ZFYVE9: variants seen among roughly 807,000 people sequenced by gnomAD.
The protein encoded by ZFYVE9 is zinc finger FYVE-type containing 9.
A neutral mutation model predicts 126.7 loss-of-function variants in ZFYVE9; 43 were observed. The observed-to-expected ratio is 0.34, with a 90% CI of 0.27 to 0.44. The LOEUF is 0.44. ZFYVE9 is among the 20% of genes least tolerant of loss of function. The probability of loss-of-function intolerance (pLI) is 1.00; values close to 1 mark genes in which losing one functional copy is unlikely to be tolerated. For synonymous variants in ZFYVE9, 521 were observed against 597.4 expected, an observed-to-expected ratio of 0.87 and a Z score of 1.87; for missense variants, 1,476 against 1,697.0, an observed-to-expected ratio of 0.87 and a Z score of 2.29.
At chr1:52,254,494 A>G (rs963541054) in intron 4 of ZFYVE9, among the ~76,000 whole-genome samples, 3 of 152,056 alleles carry the variant, frequency 2.0e-5, no homozygotes, top group African/African-American at 7.2e-5. Context: ...GTTCAAGAGC[A>G]GTGTGGGCAA....
chr1:52,214,960 C>CACTG (rs1248513494), intron 1 of ZFYVE9, among the ~76,000 whole-genome samples: 4 of 152,178 alleles, frequency 2.6e-5, no homozygotes, highest in Non-Finnish European at 5.9e-5. Flanking sequence ...TTATTCAGTA[C>CACTG]ACTGATTCAA....
At chr1:52,295,731 T>C (rs1645967494) in intron 11 of ZFYVE9, among the ~76,000 whole-genome samples, 164 bp from the exon 12 acceptor site, 1 of 152,206 alleles carries the variant, frequency 6.6e-6, no homozygotes, top group Non-Finnish European at 1.5e-5. Context: ...TTAATATGGC[T>C]CAGCATTTGT....
chr1:52,295,870 G>A lies in ZFYVE9; in HGVS notation c.3251-25G>A, dbSNP rs74729879. 1,365 of 1,594,226 alleles carry A rather than the reference G, an allele frequency of 8.6e-4. 12 individuals carry two copies. In the African/African-American group the frequency reaches 0.017, roughly 20 times the overall value. ...CAAAGTTTTATGTTGCCAAATTTAA[G>A]TTTGATCATTTCTCATTTCCATAGT... On this transcript the variant is annotated intron_variant, in intron 11 of 18. Transcript: ENST00000287727.
intron 3 of ZFYVE9, among the ~76,000 whole-genome samples, chr1:52,233,912 C>T (rs1310979390): frequency 2.0e-5 from 3 of 152,122 alleles, no homozygotes; most frequent in Non-Finnish European, 4.4e-5. Context: ...TCCAGAGTAG[C>T]TGGGATTCCA....
intron 11 of ZFYVE9, among the ~76,000 whole-genome samples, chr1:52,295,632 G>A (rs1645966246): frequency 1.3e-5 from 2 of 152,012 alleles, no homozygotes; most frequent in African/African-American, 4.8e-5. Flanking sequence ...CAAAGTGCTG[G>A]GATTACAAGC....
chr1:52,152,505 T>C (rs1418071389), intron 1 of ZFYVE9, among the ~76,000 whole-genome samples: 2 of 152,244 alleles, frequency 1.3e-5, no homozygotes, highest in Non-Finnish European at 2.9e-5. Context: ...TATTTCTTTT[T>C]ATATTCAGCC....
In ZFYVE9 at chr1:52,344,942, C is replaced by T; in HGVS notation, c.4114C>T (p.Gln1372Ter). Residue 1372 changes from glutamine to a stop codon, truncating the protein, a stop_gained and splice_region_variant, in exon 18 of 19, where the codon CAG becomes TAG. Coordinates refer to ENST00000287727, the MANE Select transcript of ZFYVE9 (RefSeq NM_004799.4). LOFTEE classifies it high-confidence loss of function. ...ACTACGTGTGACACTTGACTCAGATCAGGTATGATGTGTCTTCCGCAGCTT... is the reference window on the plus strand; with the variant it reads ...ACTACGTGTGACACTTGACTCAGATTAGGTATGATGTGTCTTCCGCAGCTT... ...LGLRVTLDSD[Q>*]VGYQAGSNGQ... The T allele has an allele frequency of 6.2e-7, 1 of 1,614,166 alleles. No individual in the cohort carries two copies. The highest frequency in any genetic ancestry group is 8.5e-7 in the Non-Finnish European group (1 of 1,180,044).
At chr1:52,146,027 C>CACACACACACACACACA (rs150268323) in intron 1 of ZFYVE9, among the ~76,000 whole-genome samples, 36 of 146,180 alleles carry the variant, frequency 2.5e-4, no homozygotes, top group African/African-American at 8.9e-4. Flanking sequence ...TCAAAAATAT[C>CACACACACACACACACA]CACACACACA....
chr1:52,190,923 A>G (rs1265398534), intron 1 of ZFYVE9, among the ~76,000 whole-genome samples: 1 of 152,062 alleles, frequency 6.6e-6, no homozygotes, highest in Non-Finnish European at 1.5e-5. Context: ...TATCTATTAT[A>G]TTTTATGGAT....
intron 12 of ZFYVE9, among the ~76,000 whole-genome samples, chr1:52,303,020 G>A (rs934819054): frequency 1.3e-5 from 2 of 152,088 alleles, no homozygotes; most frequent in African/African-American, 4.8e-5. Context: ...TGAGGCATGA[G>A]ACTCGCTTGA....
At chr1:52,155,392 G>A (rs990075723) in intron 1 of ZFYVE9, among the ~76,000 whole-genome samples, 8 of 151,832 alleles carry the variant, frequency 5.3e-5, no homozygotes, top group South Asian at 2.1e-4. Flanking sequence ...CCACCACCTC[G>A]CCCAGCTAAT....
intron 13 of ZFYVE9, among the ~76,000 whole-genome samples, chr1:52,309,898 T>C (rs1284304932): frequency 6.6e-6 from 1 of 152,204 alleles, no homozygotes; most frequent in African/African-American, 2.4e-5. Context: ...GCATTGTATA[T>C]AAAATTTCTA....
intron 1 of ZFYVE9, among the ~76,000 whole-genome samples, chr1:52,184,361 G>A (rs1354049982): frequency 6.7e-6 from 1 of 148,414 alleles, no homozygotes; most frequent in Non-Finnish European, 1.5e-5. Context: ...CAAGTAGCTG[G>A]GAGTACAGGC....
intron 1 of ZFYVE9, chr1:52,190,420 G>T (rs988870443): frequency 2.6e-5 from 4 of 152,018 alleles, no homozygotes; most frequent in African/African-American, 9.7e-5. Flanking sequence ...TAGGTGCTTT[G>T]GTTTTAATTT....
At chr1:52,175,400 G>T in intron 1 of ZFYVE9, among the ~76,000 whole-genome samples, 1 of 151,716 alleles carries the variant, frequency 6.6e-6, no homozygotes, top group East Asian at 1.9e-4. Context: ...GCTTCCCTTT[G>T]TGGGTAACCC....
chr1:52,187,870 C>CA (rs1370094898), intron 1 of ZFYVE9, among the ~76,000 whole-genome samples: 2 of 152,300 alleles, frequency 1.3e-5, no homozygotes, highest in African/African-American at 4.8e-5. Context: ...TAAATTAGTT[C>CA]AGCCATTATG....
intron 2 of ZFYVE9, among the ~76,000 whole-genome samples, chr1:52,220,900 TC>T (rs1487250165): frequency 6.6e-6 from 1 of 152,204 alleles, no homozygotes; most frequent in Non-Finnish European, 1.5e-5. Context: ...CAAGGTTATT[TC>T]CCTGGCTTTC....
At chr1:52,258,960 G>A (rs1305830477) in intron 4 of ZFYVE9, among the ~76,000 whole-genome samples, 1 of 151,812 alleles carries the variant, frequency 6.6e-6, no homozygotes, top group Non-Finnish European at 1.5e-5. Context: ...TTGTCCCAAA[G>A]CCTAACTCAC....
intron 13 of ZFYVE9, among the ~76,000 whole-genome samples, chr1:52,330,195 T>C (rs1316295868): frequency 1.3e-5 from 2 of 152,034 alleles, no homozygotes; most frequent in East Asian, 3.9e-4. Context: ...CTGACGAACA[T>C]GGAGAAACCC....
Sources: gnomAD v4.1 joint callset for allele counts (sites outside exome capture counted in the v4.1 genomes callset) on GRCh38, gnomAD v4.1.1 for gene constraint, MANE v1.5 for transcripts, NCBI Gene and HGNC (gene_info 2026-07-23, HGNC 2026-07-21) for gene names.